The following ACBD6 variants were observed in gnomAD, a reference collection of about 807,000 sequenced individuals.
ACBD6 encodes acyl-CoA binding domain containing 6.
In ACBD6, 28 loss-of-function variants were observed where a neutral mutation model predicts 37.2. The ratio of observed to expected loss-of-function variants is 0.75; its 90% confidence interval spans 0.56 to 1.03. The LOEUF (loss-of-function observed/expected upper bound fraction) is 1.03, where lower values mean the gene tolerates loss of function less well. ACBD6 is among the 50% of genes least tolerant of loss of function. The pLI is 0.00. For synonymous variants in ACBD6, 113 were observed against 126.8 expected (o/e 0.89, Z 0.73); for missense variants, 340 against 337.4 (o/e 1.01, Z -0.06).
intron 6 of ACBD6, among the ~76,000 whole-genome samples, chr1:180,322,724 T>C (rs1651118951): frequency 6.6e-6 from 1 of 151,648 alleles, no homozygotes; most frequent in South Asian, 2.1e-4. Context: ...TCATCTCTGA[T>C]TTTATTTGGG....
chr1:180,397,596 G>A lies in ACBD6; in HGVS notation c.583C>T (p.Leu195=). Residue 195 remains leucine (L), a synonymous_variant, in exon 6 of 8, where the codon CTA becomes TTA. Coordinates refer to ENST00000367595, the MANE Select transcript of ACBD6 (RefSeq NM_032360.4). The stretch of plus-strand genomic sequence containing the variant: ...CCTCGATCACAGGCCCAGTGAAGTA[G>A]AGCCCTACCCTAAAAACACAGAAGA... The part of the protein sequence containing the change: ...VNVKDEEGRA[L]LHWACDRGHK... 6.2e-7 allele frequency: 1 copy of A among 1,613,616 alleles called. No individual in the cohort carries two copies. The highest frequency in any genetic ancestry group is 8.5e-7 in the Non-Finnish European group (1 of 1,179,614).
intron 6 of ACBD6, among the ~76,000 whole-genome samples, chr1:180,341,704 T>C (rs1206576849): frequency 1.3e-5 from 2 of 152,120 alleles, no homozygotes; most frequent in Non-Finnish European, 2.9e-5. Flanking sequence ...TTCCTGTTAT[T>C]TCAGGAAAAC....
Position 180,307,381 on chromosome 1 carries a change from C to T in ACBD6, c.694+7311G>A, listed in dbSNP as rs142066925. Among the ~76,000 whole-genome samples the T allele has an allele frequency of 3.9e-3, 591 of 151,910 alleles. 5 individuals are homozygous for T. The highest frequency in any genetic ancestry group is 0.013 in the African/African-American group (558 of 41,402). ...GGGAAGGGTTGTAGGGACATGAGGG[C>T]GGAAATGGGGATGGTTAATGGGTAC... is the stretch of plus-strand genomic sequence containing the variant. On this transcript the variant is annotated intron_variant, in intron 7 of 7. Coordinates refer to ENST00000367595, the MANE Select transcript of ACBD6 (RefSeq NM_032360.4).
intron 3 of ACBD6, among the ~76,000 whole-genome samples, chr1:180,485,961 T>C (rs1243799879): frequency 6.6e-6 from 1 of 151,688 alleles, no homozygotes; most frequent in East Asian, 1.9e-4. Flanking sequence ...AAAAAAATGA[T>C]TTTAATGGAT....
At chr1:180,455,349 C>T (rs1212706234) in intron 3 of ACBD6, among the ~76,000 whole-genome samples, 3 of 151,458 alleles carry the variant, frequency 2.0e-5, no homozygotes, top group African/African-American at 4.9e-5. Context: ...GGGAGGGGAA[C>T]ATCACACACC....
intron 3 of ACBD6, among the ~76,000 whole-genome samples, chr1:180,454,380 C>T (rs572766706): frequency 4.3e-4 from 66 of 152,048 alleles, no homozygotes; most frequent in South Asian, 1.0e-3. Flanking sequence ...TAACTCAAGA[C>T]GGATTAAAGA....
intron 3 of ACBD6, among the ~76,000 whole-genome samples, chr1:180,469,835 C>T (rs867650267): frequency 5.5e-4 from 83 of 152,170 alleles, no homozygotes; most frequent in African/African-American, 1.9e-3. Flanking sequence ...AAAATACTTG[C>T]CTCAGTTAAG....
chr1:180,457,427 A>T (rs1398754936), intron 3 of ACBD6, among the ~76,000 whole-genome samples: 2 of 152,154 alleles, frequency 1.3e-5, no homozygotes, highest in African/African-American at 4.8e-5. Flanking sequence ...ATTCACCCAG[A>T]TAGTCCTACG....
At chr1:180,285,337 G>A (rs1022233412), downstream of ACBD6, among the ~76,000 whole-genome samples, 1 of 152,162 alleles carries the variant, frequency 6.6e-6, no homozygotes, top group African/African-American at 2.4e-5. Context: ...GGGAGACAGA[G>A]TGAGACCTTG....
intron 1 of ACBD6, among the ~76,000 whole-genome samples, chr1:180,501,267 CAT>C: frequency 6.6e-6 from 1 of 152,314 alleles, no homozygotes; most frequent in Middle Eastern, 3.4e-3. Flanking sequence ...TCAACGAAAA[CAT>C]AAATCAAAGA....
At chr1:180,436,443 A>G (rs1348556888) in intron 3 of ACBD6, among the ~76,000 whole-genome samples, 1 of 152,128 alleles carries the variant, frequency 6.6e-6, no homozygotes, top group Non-Finnish European at 1.5e-5. Flanking sequence ...ACGTCTGCAG[A>G]GTGGTGTGGT....
intron 6 of ACBD6, among the ~76,000 whole-genome samples, chr1:180,393,121 A>T (rs1654137412): frequency 6.6e-6 from 1 of 152,210 alleles, no homozygotes. Context: ...CGTAAGCCAT[A>T]TCCTAATCCC....
intron 6 of ACBD6, among the ~76,000 whole-genome samples, chr1:180,341,820 T>C (rs1425005263): frequency 6.6e-6 from 1 of 152,164 alleles, no homozygotes. Context: ...ATGGTATTGT[T>C]GGTACACTCT....
At chr1:180,331,331 C>T (rs1170365450) in intron 6 of ACBD6, among the ~76,000 whole-genome samples, 2 of 152,132 alleles carry the variant, frequency 1.3e-5, no homozygotes, top group Admixed American at 1.3e-4. Flanking sequence ...ATCCTTAACC[C>T]CATCAGGTTA....
chr1:180,343,646 T>C (rs1443367999), intron 6 of ACBD6, among the ~76,000 whole-genome samples: 2 of 152,236 alleles, frequency 1.3e-5, no homozygotes, highest in Non-Finnish European at 2.9e-5. Flanking sequence ...GTATTATGTT[T>C]GTGTTCTTCT....
intron 3 of ACBD6, among the ~76,000 whole-genome samples, chr1:180,466,911 C>A (rs1431461162): frequency 6.6e-6 from 1 of 152,000 alleles, no homozygotes; most frequent in Non-Finnish European, 1.5e-5. Flanking sequence ...TTAAGGTAAA[C>A]CCATATATAT....
At chr1:180,484,004 G>A (rs1651158306) in intron 3 of ACBD6, among the ~76,000 whole-genome samples, 1 of 152,044 alleles carries the variant, frequency 6.6e-6, no homozygotes, top group African/African-American at 2.4e-5. Context: ...ATATTTATCA[G>A]GAATAAAAAC....
chr1:180,453,703 A>G (rs187746801), intron 3 of ACBD6, among the ~76,000 whole-genome samples: 1 of 152,254 alleles, frequency 6.6e-6, no homozygotes, highest in Non-Finnish European at 1.5e-5. Flanking sequence ...GCAAAGTCTC[A>G]GGATACAAAA....
At chr1:180,492,072 G>A (rs1395684315) in intron 3 of ACBD6, among the ~76,000 whole-genome samples, 197 bp downstream of exon 3, 2 of 152,264 alleles carry the variant, frequency 1.3e-5, no homozygotes, top group African/African-American at 4.8e-5. Flanking sequence ...GCCTCCCAGA[G>A]TGCTGGGATT....
Sources: gnomAD v4.1 joint callset for allele counts (sites outside exome capture counted in the v4.1 genomes callset) on GRCh38, gnomAD v4.1.1 for gene constraint, MANE v1.5 for transcripts, NCBI Gene and HGNC (gene_info 2026-07-23, HGNC 2026-07-21) for gene names.